DCK: variants seen among roughly 807,000 people sequenced by gnomAD.
DCK encodes deoxyadenosine kinase.
A neutral mutation model predicts 38.3 loss-of-function variants in DCK; 23 were observed. The ratio of observed to expected loss-of-function variants is 0.60; its 90% confidence interval spans 0.43 to 0.85. DCK has a LOEUF of 0.85. Among genes scored for constraint, DCK ranks in the 40% least tolerant of loss-of-function variants. The probability of loss-of-function intolerance (pLI) is 0.00; values close to 1 mark genes in which losing one functional copy is unlikely to be tolerated. For missense variants in DCK, 259 were observed against 304.4 expected (o/e 0.85, Z 1.11); for synonymous variants, 108 against 100.6 (o/e 1.07, Z -0.44).
intron 2 of DCK, among the ~76,000 whole-genome samples, chr4:71,009,553 C>G (rs189088752): frequency 5.5e-4 from 84 of 152,194 alleles, no homozygotes; most frequent in African/African-American, 1.9e-3. Flanking sequence ...TTCAGAATGC[C>G]AAACTGGCCA....
chr4:71,006,117 G>GA (rs1240663746), intron 2 of DCK, among the ~76,000 whole-genome samples: 2 of 36,308 alleles, frequency 5.5e-5, no homozygotes, highest in Non-Finnish European at 9.8e-5. Flanking sequence ...AAAAAAAACA[G>GA]AAAAAACAAA....
At chr4:71,012,461 C>T (rs1194957164) in intron 2 of DCK, among the ~76,000 whole-genome samples, 2 of 152,242 alleles carry the variant, frequency 1.3e-5, no homozygotes, top group African/African-American at 2.4e-5. Flanking sequence ...AACGGACAGA[C>T]TGCCTCTGCA....
intron 2 of DCK, among the ~76,000 whole-genome samples, chr4:71,006,869 A>G (rs1056949981): frequency 6.6e-6 from 1 of 152,142 alleles, no homozygotes; most frequent in Non-Finnish European, 1.5e-5. Context: ...TATGCTAACA[A>G]CTTACTTTGA....
chr4:71,024,382 G>A (rs1740499819), intron 4 of DCK, among the ~76,000 whole-genome samples: 1 of 152,106 alleles, frequency 6.6e-6, no homozygotes, highest in Admixed American at 6.6e-5. Flanking sequence ...CCAAATAGAT[G>A]CCTTTCATAA....
At position 71,022,650 on chromosome 4, in the gene DCK, T is replaced by G. The variant is rs72855510; in HGVS notation, c.401+90T>G. 1.0e-3 allele frequency: 722 copies of G among 689,676 alleles called. 6 individuals carry two copies. The African/African-American group carries it at 0.013, about 12-fold the overall frequency. The allele number at this position is 689,676 out of a possible 1,614,324, so 42.7% of individuals were successfully genotyped here. ...TTTTTTAATGTTTCCTGGGAATTAG[T>G]AATAATGAATGGCTGAGCTGGGGAT... On this transcript the variant is annotated intron_variant, in intron 3 of 6. Coordinates refer to ENST00000286648, the MANE Select transcript of DCK (RefSeq NM_000788.3).
chr4:71,016,884 A>G (rs1020932168), intron 2 of DCK, among the ~76,000 whole-genome samples: 12 of 152,256 alleles, frequency 7.9e-5, no homozygotes, highest in Admixed American at 1.3e-4. Context: ...CAAGGACTTC[A>G]TGTCTAAAAC....
chr4:71,018,010 G>T (rs760749544), intron 2 of DCK, among the ~76,000 whole-genome samples: 26 of 151,716 alleles, frequency 1.7e-4, no homozygotes, highest in Admixed American at 6.6e-4. Flanking sequence ...CTAATTTATT[G>T]TATGCATGTA....
At chr4:71,021,286 A>T (rs937963879) in intron 2 of DCK, among the ~76,000 whole-genome samples, 1 of 151,272 alleles carries the variant, frequency 6.6e-6, no homozygotes. Flanking sequence ...CTTGTTAGCC[A>T]GGATGGTCTC....
At chr4:71,003,864 T>G (rs190958690) in intron 2 of DCK, among the ~76,000 whole-genome samples, 208 of 152,338 alleles carry the variant, frequency 1.4e-3, no homozygotes, top group African/African-American at 4.9e-3. Context: ...TGTAACCGTT[T>G]ATCAAGGTTC....
chr4:71,024,718 T>G (rs1227302624), intron 4 of DCK, among the ~76,000 whole-genome samples: 2 of 152,072 alleles, frequency 1.3e-5, no homozygotes, highest in African/African-American at 4.8e-5. Context: ...ATTTTTGAAT[T>G]TTTTTGTTTT....
In DCK at chr4:71,012,056, G is replaced by C. The variant is rs955243067; in HGVS notation, c.208-10311G>C. ...AAGGAAATATTAGAAATTATCAAAA[G>C]AGGGGACTAAAACTTACCTATAACC... On this transcript the variant is annotated intron_variant, in intron 2 of 6. Coordinates refer to ENST00000286648, the MANE Select transcript of DCK (RefSeq NM_000788.3). 3.5e-4 allele frequency among the ~76,000 whole-genome samples: 53 copies of C among 152,332 alleles called. 1 individual carries two copies. The highest frequency in any genetic ancestry group is 3.0e-3 in the Admixed American group (46 of 15,300).
chr4:71,026,762 T>G lies in DCK; in HGVS notation c.756+7T>G. On this transcript the variant is annotated splice_region_variant and intron_variant, in intron 6 of 6. Transcript: ENST00000286648. ...TGAAAGTCTGGTTGAAAAGGTAGAT[T>G]TAGACAGACTACAAACAAATATTTG... is the stretch of plus-strand genomic sequence containing the variant. The G allele has an allele frequency of 7.6e-7, 1 of 1,308,336 alleles. No homozygotes were observed. The highest frequency in any genetic ancestry group is 1.1e-6 in the Non-Finnish European group (1 of 914,736). 81.0% of individuals were successfully genotyped at this position (1,308,336 alleles called of 1,614,324 possible). A position where few individuals can be genotyped will look rare whatever the true frequency, so the allele number is the denominator to read the frequency against.
intron 2 of DCK, among the ~76,000 whole-genome samples, chr4:71,009,721 G>T (rs1740038002): frequency 6.6e-6 from 1 of 152,122 alleles, no homozygotes; most frequent in Non-Finnish European, 1.5e-5. Context: ...GCTTTTTTGT[G>T]TGTATTGGGG....
intron 1 of DCK, among the ~76,000 whole-genome samples, chr4:70,997,632 A>T (rs1324370363): frequency 6.6e-6 from 1 of 152,184 alleles, no homozygotes; most frequent in Non-Finnish European, 1.5e-5. Context: ...TCTAATTTAT[A>T]AGGAAGAGGA....
At chr4:71,016,878 G>A (rs140584922) in intron 2 of DCK, among the ~76,000 whole-genome samples, 1,847 of 152,300 alleles carry the variant, frequency 0.012, 22 homozygotes, top group Middle Eastern at 0.027. Context: ...CATGGGCAAG[G>A]ACTTCATGTC....
chr4:71,014,151 A>G (rs960771382), intron 2 of DCK, among the ~76,000 whole-genome samples: 43 of 152,358 alleles, frequency 2.8e-4, no homozygotes, highest in African/African-American at 9.9e-4. Flanking sequence ...TTAAACCAAC[A>G]AAGATCAAAA....
rs1740638851 is a variant in DCK at position 71,029,635 on chromosome 4, C to T, written c.*257C>T. 1 of 401,492 alleles carries T rather than the reference C, an allele frequency of 2.5e-6. No individual in the cohort carries two copies. The highest frequency in any genetic ancestry group is 4.4e-6 in the Non-Finnish European group (1 of 224,970). The allele number at this position is 401,492 out of a possible 1,614,324, so 24.9% of individuals were successfully genotyped here. On this transcript the variant is annotated 3_prime_UTR_variant, in exon 7 of 7. Coordinates refer to ENST00000286648, the MANE Select transcript of DCK (RefSeq NM_000788.3). ...CAGGAAATGTAGAGGTAGATGGTTC[C>T]AGTATCAGCATAGTGACTAAACTAC...
Position 71,010,183 on chromosome 4 carries a change from T to A in DCK, c.207+12001T>A, listed in dbSNP as rs113798627. ...TGTTTTAGCTTTTTTTTTTTTTTTT[T>A]AACCTGCCACCTAGTGGCCGAAATG... On this transcript the variant is annotated intron_variant, in intron 2 of 6. Coordinates refer to ENST00000286648, the MANE Select transcript of DCK (RefSeq NM_000788.3). Among the ~76,000 whole-genome samples the A allele has an allele frequency of 3.5e-3, 528 of 151,352 alleles. 6 individuals are homozygous for A. Among genetic ancestry groups the A allele is most frequent in the African/African-American group, 0.012 (510 of 41,284 alleles).
chr4:71,029,096 G>T (rs1184308738), intron 6 of DCK, among the ~76,000 whole-genome samples: 1 of 152,112 alleles, frequency 6.6e-6, no homozygotes, highest in Admixed American at 6.6e-5. Flanking sequence ...GTTTCACCAT[G>T]TTGGCCAGGC....
Sources: gnomAD v4.1 joint callset for allele counts (sites outside exome capture counted in the v4.1 genomes callset) on GRCh38, gnomAD v4.1.1 for gene constraint, MANE v1.5 for transcripts, NCBI Gene and HGNC (gene_info 2026-07-23, HGNC 2026-07-21) for gene names.